The following CHN1 variants were observed in gnomAD, a reference collection of about 807,000 sequenced individuals.
CHN1 encodes the protein N-chimaerin.
CHN1 carries 37 observed loss-of-function variants against 59.5 expected under a neutral mutation model. That is an observed-to-expected ratio of 0.62 (90% CI 0.48 to 0.82). The LOEUF (loss-of-function observed/expected upper bound fraction) is 0.82, where lower values mean the gene tolerates loss of function less well. Ranked by LOEUF, CHN1 falls within the 40% of genes least tolerant of loss-of-function variation. The pLI, the probability that CHN1 is intolerant of heterozygous loss-of-function variation, is 0.00. For synonymous variants in CHN1, 206 were observed against 200.4 expected (o/e 1.03, Z -0.24); for missense variants, 469 against 571.0 (o/e 0.82, Z 1.82).
chr2:174,914,256 C>T (rs1426491458), intron 5 of CHN1, among the ~76,000 whole-genome samples: 4 of 152,112 alleles, frequency 2.6e-5, no homozygotes, highest in African/African-American at 9.7e-5. Context: ...ATTGTTCTTA[C>T]AAGTTGGGTT....
intron 6 of CHN1, among the ~76,000 whole-genome samples, chr2:174,855,029 T>C (rs943099820): frequency 1.2e-4 from 18 of 152,312 alleles, no homozygotes; most frequent in African/African-American, 4.1e-4. Flanking sequence ...GAAAGGGTCT[T>C]ATCAATTCAC....
At chr2:174,918,401 G>A in intron 4 of CHN1, 133 bp downstream of exon 4, 1 of 583,470 alleles carries the variant, frequency 1.7e-6, no homozygotes, top group Non-Finnish European at 2.8e-6. Context: ...GATCACATTT[G>A]AAATTTTTAA....
At position 174,949,582 on chromosome 2, in the gene CHN1, C is replaced by G. The variant is rs377473607; in HGVS notation, c.58+2582G>C. Among the ~76,000 whole-genome samples, 4 of 152,094 alleles carry G rather than the reference C, an allele frequency of 2.6e-5. No homozygotes were observed. The East Asian group carries it at 7.7e-4, about 29-fold the overall frequency. ...ATCCGCCTAAATTGGCCAGGCTGGC[C>G]TCAAACTCCTGGGCTCAAGTGATCC... On this transcript the variant is annotated intron_variant, in intron 2 of 12. Transcript: ENST00000409900.
intron 5 of CHN1, among the ~76,000 whole-genome samples, chr2:174,914,238 C>T (rs1477562894): frequency 1.3e-5 from 2 of 152,112 alleles, no homozygotes; most frequent in African/African-American, 4.8e-5. Context: ...TAAGTATGCT[C>T]TTGTATTATT....
intron 7 of CHN1, among the ~76,000 whole-genome samples, chr2:174,842,472 ATAAT>A (rs1446558687): frequency 6.6e-6 from 1 of 152,240 alleles, no homozygotes; most frequent in Non-Finnish European, 1.5e-5. Context: ...ACAATACACT[ATAAT>A]TAAGTCCGAG....
intron 7 of CHN1, among the ~76,000 whole-genome samples, chr2:174,826,810 T>C (rs1384069156): frequency 6.6e-6 from 1 of 152,204 alleles, no homozygotes; most frequent in Non-Finnish European, 1.5e-5. Flanking sequence ...GCAGACCCCA[T>C]GTTCTCCAAT....
At chr2:174,911,331 G>A (rs1395569032) in intron 5 of CHN1, among the ~76,000 whole-genome samples, 2 of 152,204 alleles carry the variant, frequency 1.3e-5, no homozygotes, top group East Asian at 1.9e-4. Context: ...AAACTACAAC[G>A]AATACAAATG....
At chr2:174,992,621 A>G (rs562240295) in intron 1 of CHN1, among the ~76,000 whole-genome samples, 2 of 152,362 alleles carry the variant, frequency 1.3e-5, no homozygotes, top group South Asian at 4.1e-4. Context: ...AGAAGCAAAT[A>G]TAAGATGACA....
At chr2:174,968,009 G>C (rs1422374446) in intron 1 of CHN1, among the ~76,000 whole-genome samples, 2 of 152,204 alleles carry the variant, frequency 1.3e-5, no homozygotes, top group East Asian at 3.8e-4. Context: ...ATTTTCCAAT[G>C]AGAGTCAATA....
chr2:174,946,877 C>T (rs1052138729), intron 2 of CHN1, among the ~76,000 whole-genome samples: 1 of 128,622 alleles, frequency 7.8e-6, no homozygotes, highest in Non-Finnish European at 1.6e-5. Context: ...GGCAACATAG[C>T]GAGACCCTGT....
chr2:174,975,655 CAAAA>C (rs35826463), intron 1 of CHN1, among the ~76,000 whole-genome samples: 30 of 125,140 alleles, frequency 2.4e-4, no homozygotes, highest in Middle Eastern at 4.3e-3. Context: ...ACAAAACAAA[CAAAA>C]AAAAAAAAAA....
intron 3 of CHN1, among the ~76,000 whole-genome samples, chr2:174,931,468 A>G (rs1689345595): frequency 6.6e-6 from 1 of 152,230 alleles, no homozygotes; most frequent in Non-Finnish European, 1.5e-5. Context: ...TAAGAATAAA[A>G]CAAGAACATT....
At chr2:174,974,898 T>TACACACACACACACACACACACAC (rs373940330) in intron 1 of CHN1, among the ~76,000 whole-genome samples, 2 of 144,268 alleles carry the variant, frequency 1.4e-5, no homozygotes, top group African/African-American at 5.3e-5. Context: ...AAATAATTAA[T>TACACACACACACACACACACACAC]ACACACACAC....
At chr2:174,874,118 T>C (rs532395308) in intron 6 of CHN1, among the ~76,000 whole-genome samples, 1 of 152,298 alleles carries the variant, frequency 6.6e-6, no homozygotes, top group South Asian at 2.1e-4. Context: ...GAAAGTATGG[T>C]TTGGGGAAAT....
intron 1 of CHN1, among the ~76,000 whole-genome samples, chr2:174,984,365 GCTT>G (rs1691266924): frequency 7.2e-6 from 1 of 139,220 alleles, no homozygotes; most frequent in Non-Finnish European, 1.5e-5. Flanking sequence ...TGTTTTATAA[GCTT>G]TTTTTTTTTT....
chr2:174,808,867 G>A (rs1426928169), intron 11 of CHN1, 38 bp downstream of exon 11: 9 of 1,607,198 alleles, frequency 5.6e-6, no homozygotes, highest in Admixed American at 3.3e-5. Context: ...CCAAGAGGAC[G>A]TTGTCAGGTT....
intron 6 of CHN1, among the ~76,000 whole-genome samples, chr2:174,875,231 C>T (rs2105470404): frequency 6.6e-6 from 1 of 152,218 alleles, no homozygotes; most frequent in Non-Finnish European, 1.5e-5. Flanking sequence ...AGCATAGAAC[C>T]CTTTCTGCAG....
intron 6 of CHN1, among the ~76,000 whole-genome samples, chr2:174,866,528 G>A (rs1687221120): frequency 6.6e-6 from 1 of 152,114 alleles, no homozygotes; most frequent in African/African-American, 2.4e-5. Flanking sequence ...GGCATTTTGT[G>A]GGGGTTTTTT....
chr2:174,851,634 C>T (rs1443065183), intron 6 of CHN1, among the ~76,000 whole-genome samples: 1 of 152,110 alleles, frequency 6.6e-6, no homozygotes, highest in African/African-American at 2.4e-5. Context: ...CTGAATGAGG[C>T]CTGGAAAATG....
Sources: allele counts gnomAD v4.1 joint callset (sites outside exome capture counted in the v4.1 genomes callset), GRCh38; gene constraint gnomAD v4.1.1; transcripts MANE v1.5; gene names NCBI Gene and HGNC (gene_info 2026-07-23, HGNC 2026-07-21).